The following CDK6 variants were observed in gnomAD, a reference collection of about 807,000 sequenced individuals.
The protein encoded by CDK6 is cyclin-dependent kinase 6.
Under a neutral mutation model 37.1 loss-of-function variants are expected in CDK6, and 6 were observed. The ratio of observed to expected loss-of-function variants is 0.16; its 90% CI spans 0.09 to 0.32. The LOEUF is 0.32. Ranked by LOEUF, CDK6 falls within the 10% of genes least tolerant of loss-of-function variation. CDK6 has a pLI of 1.00. For missense variants in CDK6, 224 were observed against 418.9 expected, an observed-to-expected ratio of 0.53 and a Z score of 4.06; for synonymous variants, 160 against 161.3, an observed-to-expected ratio of 0.99 and a Z score of 0.06.
At chr7:92,686,667 A>G (rs766776377) in intron 4 of CDK6, among the ~76,000 whole-genome samples, 8 of 152,174 alleles carry the variant, frequency 5.3e-5, no homozygotes, top group Non-Finnish European at 1.2e-4. Flanking sequence ...GCTAGATCCA[A>G]TGATAGCTCT....
At chr7:92,748,422 C>T (rs997833197) in intron 3 of CDK6, among the ~76,000 whole-genome samples, 7 of 152,146 alleles carry the variant, frequency 4.6e-5, no homozygotes, top group South Asian at 2.1e-4. Flanking sequence ...ACTGGTCAGA[C>T]CCTTGGTATA....
In CDK6 at chr7:92,833,189, C is replaced by G. The variant is rs1364429792; in HGVS notation, c.135G>C (p.Val45=). ...NGGRFVALKR[V]RVQTGEEGMP... Reference sequence around the variant, plus strand: ...TGCCCTCCTCGCCGGTCTGCACCCGCACGCGCTTCAACGCCACGAAACGGC... The same window carrying G: ...TGCCCTCCTCGCCGGTCTGCACCCGGACGCGCTTCAACGCCACGAAACGGC... Residue 45 remains valine (V), a synonymous_variant, in exon 2 of 8, where the codon GTG becomes GTC. Coordinates refer to ENST00000424848, the MANE Select transcript of CDK6 (RefSeq NM_001145306.2). This position sits in a 1 kb window ranked among gnomAD's most constrained non-coding sequence, Gnocchi z 6.1. The G allele has an allele frequency of 6.2e-7, 1 of 1,609,568 alleles. No homozygotes were observed. The highest frequency in any genetic ancestry group is 1.7e-5 in the Admixed American group (1 of 59,744).
At chr7:92,699,040 G>A (rs1439463397) in intron 4 of CDK6, among the ~76,000 whole-genome samples, 1 of 152,126 alleles carries the variant, frequency 6.6e-6, no homozygotes, top group Non-Finnish European at 1.5e-5. Context: ...AGAAACCACA[G>A]TATGCCCATA....
At chr7:92,648,810 T>C (rs983745298) in intron 5 of CDK6, among the ~76,000 whole-genome samples, 24 of 152,210 alleles carry the variant, frequency 1.6e-4, no homozygotes, top group Admixed American at 1.3e-4. Context: ...AAGTGAGAAA[T>C]AGACTCTTCA....
rs1037543761 is a variant in CDK6, at chr7:92,605,649, A to G, written c.*9491T>C. On this transcript the variant is annotated 3_prime_UTR_variant, in exon 8 of 8. Transcript: ENST00000424848. ...CATTCTGAAGACAGTAGCCTTAGAG[A>G]TAAGCTTTCTTTCTTTCTTCTTCTT... 8.6e-6 allele frequency: 2 copies of G among 233,124 alleles called. No individual in the cohort carries two copies. Among genetic ancestry groups the G allele is most frequent in the South Asian group, 1.8e-4 (1 of 5,530 alleles). 14.4% of individuals were successfully genotyped at this position (233,124 alleles called of 1,614,324 possible).
intron 3 of CDK6, among the ~76,000 whole-genome samples, chr7:92,759,010 C>G (rs1021826438): frequency 1.3e-5 from 2 of 152,052 alleles, no homozygotes; most frequent in Non-Finnish European, 2.9e-5. Flanking sequence ...TTTGCTGAAG[C>G]TGTGGTTAAA....
chr7:92,617,926 G>T, intron 7 of CDK6, 146 bp downstream of exon 7: 1 of 646,474 alleles, frequency 1.5e-6, no homozygotes, highest in Non-Finnish European at 2.5e-6. Flanking sequence ...AACCTCTGGA[G>T]GGACTGTTGC....
chr7:92,632,688 T>C (rs1234735319), intron 5 of CDK6, among the ~76,000 whole-genome samples: 1 of 152,154 alleles, frequency 6.6e-6, no homozygotes, highest in Admixed American at 6.6e-5. Flanking sequence ...TGGGTACTGT[T>C]AAAAATAACA....
chr7:92,791,953 C>G (rs2095766029), intron 2 of CDK6, among the ~76,000 whole-genome samples: 1 of 152,046 alleles, frequency 6.6e-6, no homozygotes, highest in Non-Finnish European at 1.5e-5. Context: ...GCTAAGAAGT[C>G]TGGAAATTAT....
intron 5 of CDK6, among the ~76,000 whole-genome samples, chr7:92,648,351 A>G (rs948134721): frequency 3.3e-5 from 5 of 152,212 alleles, no homozygotes; most frequent in Admixed American, 6.5e-5. Context: ...AGGTCTTGAC[A>G]TGAGTCAAGT....
At chr7:92,732,858 C>A (rs187465167) in intron 3 of CDK6, among the ~76,000 whole-genome samples, 1 of 152,154 alleles carries the variant, frequency 6.6e-6, no homozygotes, top group African/African-American at 2.4e-5. Context: ...CTGTAGCAAC[C>A]ATCTTGAAAC....
intron 2 of CDK6, among the ~76,000 whole-genome samples, chr7:92,812,844 C>T (rs1292624479): frequency 6.6e-6 from 1 of 152,200 alleles, no homozygotes; most frequent in Non-Finnish European, 1.5e-5. Context: ...TTAACCACTG[C>T]TCAATCATTT....
At chr7:92,717,854 G>T (rs1436394673) in intron 4 of CDK6, among the ~76,000 whole-genome samples, 1 of 152,234 alleles carries the variant, frequency 6.6e-6, no homozygotes, top group African/African-American at 2.4e-5. Flanking sequence ...TTTCTGTGCA[G>T]TATGGAATAC....
intron 3 of CDK6, among the ~76,000 whole-genome samples, chr7:92,744,915 C>T (rs1322046249): frequency 6.6e-6 from 1 of 151,822 alleles, no homozygotes; most frequent in Non-Finnish European, 1.5e-5. Context: ...CTTTATGGTC[C>T]TAACTCTTAC....
rs538497717 is a variant in CDK6, at chr7:92,678,643, A to G, written c.538-7108T>C. ...TCTTTTATCATGTACCCTTTCACCA[A>G]GGTCTTGAAAAAATTAGATGTTATC... is the stretch of plus-strand genomic sequence containing the variant. On this transcript the variant is annotated intron_variant, in intron 4 of 7. Transcript: ENST00000424848. 2.0e-5 allele frequency among the ~76,000 whole-genome samples: 3 copies of G among 152,294 alleles called. No individual in the cohort carries two copies. The South Asian group carries it at 6.2e-4, about 32-fold the overall frequency.
intron 4 of CDK6, among the ~76,000 whole-genome samples, chr7:92,682,866 T>C (rs1323063417): frequency 6.6e-6 from 1 of 152,218 alleles, no homozygotes; most frequent in Non-Finnish European, 1.5e-5. Flanking sequence ...TTTTGTAAAA[T>C]GAAGTTTTAA....
chr7:92,676,046 G>T (rs1032257573), intron 4 of CDK6, among the ~76,000 whole-genome samples: 1 of 151,524 alleles, frequency 6.6e-6, no homozygotes, highest in African/African-American at 2.4e-5. Flanking sequence ...ATTTTGGGAG[G>T]ATTATTGTTT....
intron 3 of CDK6, among the ~76,000 whole-genome samples, chr7:92,762,944 T>C (rs553896258): frequency 6.6e-6 from 1 of 152,360 alleles, no homozygotes; most frequent in South Asian, 2.1e-4. Flanking sequence ...AACTTATCTT[T>C]TAATGTTGCA....
intron 2 of CDK6, among the ~76,000 whole-genome samples, chr7:92,802,970 A>C (rs2115906472): frequency 6.6e-6 from 1 of 152,320 alleles, no homozygotes; most frequent in Non-Finnish European, 1.5e-5. Flanking sequence ...GTTGAGAACT[A>C]CTACTATAGA....
Sources: gnomAD v4.1 joint callset for allele counts (sites outside exome capture counted in the v4.1 genomes callset) on GRCh38, gnomAD v4.1.1 for gene constraint, Gnocchi (gnomAD v3.1) non-coding constraint, MANE v1.5 for transcripts, NCBI Gene and HGNC (gene_info 2026-07-23, HGNC 2026-07-21) for gene names.